Variants in TRPM2 observed in about 807,000 individuals in gnomAD.
The protein encoded by TRPM2 is transient receptor potential cation channel subfamily M member 2.
TRPM2 carries 161 observed loss-of-function variants against 174.0 expected under a neutral mutation model. That is an observed-to-expected ratio of 0.93 (90% CI 0.81 to 1.05). The LOEUF is 1.05. Among genes scored for constraint, TRPM2 ranks in the 50% least tolerant of loss-of-function variants. The pLI is 0.00. For synonymous variants in TRPM2, 954 were observed against 861.3 expected, an observed-to-expected ratio of 1.11 and a Z score of -1.88; for missense variants, 2,057 against 2,038.0, an observed-to-expected ratio of 1.01 and a Z score of -0.18.
At chr21:44,406,480 GC>G in intron 18 of TRPM2, 113 bp from the exon 19 acceptor site, 1 of 1,301,236 alleles carries the variant, frequency 7.7e-7, no homozygotes, top group Non-Finnish European at 1.0e-6. Context: ...CCTCCTGCAT[GC>G]CGTGTCTGTG....
intron 16 of TRPM2, among the ~76,000 whole-genome samples, chr21:44,404,369 G>A (rs2049783106): frequency 9.2e-6 from 1 of 108,266 alleles, no homozygotes; most frequent in South Asian, 2.9e-4. Flanking sequence ...CATACAGAAT[G>A]CACACATACA....
intron 27 of TRPM2, among the ~76,000 whole-genome samples, chr21:44,433,474 G>A (rs1167313090): frequency 6.6e-6 from 1 of 152,252 alleles, no homozygotes; most frequent in Non-Finnish European, 1.5e-5. Context: ...TCTGGGTTCT[G>A]CCCGCTCAGT....
At chr21:44,387,108 C>T (rs1213812517) in intron 9 of TRPM2, among the ~76,000 whole-genome samples, 1 of 152,054 alleles carries the variant, frequency 6.6e-6, no homozygotes, top group Non-Finnish European at 1.5e-5. Context: ...ATCACTTGAG[C>T]CCAGAAGGTT....
intron 5 of TRPM2, among the ~76,000 whole-genome samples, chr21:44,372,279 A>T (rs1332868586): frequency 6.6e-6 from 1 of 152,186 alleles, no homozygotes; most frequent in African/African-American, 2.4e-5. Flanking sequence ...CAAGGCAGGC[A>T]TATCACCTGA....
chr21:44,361,077 T>C (rs955063137), intron 2 of TRPM2, among the ~76,000 whole-genome samples: 1 of 152,234 alleles, frequency 6.6e-6, no homozygotes, highest in Non-Finnish European at 1.5e-5. Flanking sequence ...ATACGCTACA[T>C]GACCCGTGTC....
In TRPM2 at chr21:44,406,727, A is replaced by G. The variant is rs758208887; in HGVS notation, c.2924A>G (p.Tyr975Cys). Reference protein sequence around the residue: ...WLFRGAVYHSYLTIFGQIPGY... With the variant: ...WLFRGAVYHSCLTIFGQIPGY... The stretch of plus-strand genomic sequence containing the variant: ...TTCCGAGGGGCCGTCTACCACTCCT[A>G]CCTCACCATCTTCGGGCAGATCCCG... The change falls in exon 19 of 32, where the codon TAC becomes TGC. Residue 975 changes from tyrosine to cysteine, a missense_variant. Transcript: ENST00000397928. The G allele has an allele frequency of 2.5e-6, 4 of 1,607,502 alleles. No individual in the cohort carries two copies. Among genetic ancestry groups the G allele is most frequent in the Non-Finnish European group, 3.4e-6 (4 of 1,178,650 alleles).
intron 5 of TRPM2, among the ~76,000 whole-genome samples, chr21:44,370,838 C>T (rs377292101): frequency 6.6e-6 from 1 of 152,212 alleles, no homozygotes; most frequent in Non-Finnish European, 1.5e-5. Context: ...CAGGTCACTC[C>T]TTACTTTCCT....
In TRPM2 at chr21:44,439,121, C is replaced by T. The variant is rs1261104245; in HGVS notation, c.4222C>T (p.Gln1408Ter). The T allele has an allele frequency of 6.2e-7, 1 of 1,613,806 alleles. No individual in the cohort carries two copies. Among genetic ancestry groups the T allele is most frequent in the Non-Finnish European group, 8.5e-7 (1 of 1,179,898 alleles). ...LPRKLKRILRQEHWPSFENLL... is the reference protein window; with the variant it reads ...LPRKLKRILR ...TCGGAAGCTGAAGCGGATCCTCCGG[C>T]AGGAGCACTGGCCGTCTTTTGAAAA... Residue 1408 changes from glutamine (Q) to a stop codon, truncating the protein, a stop_gained, in exon 30 of 32, where the codon CAG (glutamine) becomes TAG (stop). Coordinates refer to ENST00000397928, the MANE Select transcript of TRPM2 (RefSeq NM_003307.4). LOFTEE classifies it high-confidence loss of function. This position sits in a 1 kb window ranked among gnomAD's most constrained non-coding sequence, Gnocchi z 5.1.
intron 19 of TRPM2, among the ~76,000 whole-genome samples, chr21:44,410,101 G>A (rs966760003): frequency 1.8e-4 from 27 of 147,194 alleles, no homozygotes; most frequent in Admixed American, 9.5e-4. Flanking sequence ...TGACCACACT[G>A]TCTTGGTGAG....
chr21:44,426,789 C>A (rs1258611606), intron 26 of TRPM2, 53 bp downstream of exon 26: 1 of 1,596,618 alleles, frequency 6.3e-7, no homozygotes, highest in East Asian at 2.2e-5. Context: ...CCAGGGCCTC[C>A]TAGGGGCTCC....
At position 44,369,157 on chromosome 21, in the gene TRPM2, C is replaced by T. The variant is rs1416419720; in HGVS notation, c.605-20C>T. On this transcript the variant is annotated intron_variant, in intron 4 of 31. Transcript: ENST00000397928. The stretch of plus-strand genomic sequence containing the variant: ...GCCCCTCAGTGCTGTGGGGCCTGCC[C>T]ACCCGTGCTCCTTCCCCAGGGGCCT... 6.3e-7 allele frequency: 1 copy of T among 1,581,856 alleles called. No homozygotes were observed. The highest frequency in any genetic ancestry group is 8.6e-7 in the Non-Finnish European group (1 of 1,163,080).
intron 19 of TRPM2, among the ~76,000 whole-genome samples, chr21:44,410,307 G>GGTTT (rs1490444496): frequency 1.4e-5 from 1 of 70,596 alleles, no homozygotes; most frequent in Non-Finnish European, 3.4e-5. Context: ...GCACTGTCTT[G>GGTTT]GCGTAGCCTT....
chr21:44,418,608 C>T, intron 22 of TRPM2, 53 bp downstream of exon 22: 10 of 1,600,852 alleles, frequency 6.2e-6, no homozygotes, highest in Non-Finnish European at 8.5e-6. Flanking sequence ...GGACCTCCTG[C>T]AGGTCCACAG....
intron 9 of TRPM2, among the ~76,000 whole-genome samples, chr21:44,389,925 T>C (rs1602194731): frequency 1.3e-5 from 2 of 148,850 alleles, no homozygotes; most frequent in African/African-American, 5.0e-5. Context: ...CAGGCTGGAG[T>C]GCAGTGGCGC....
intron 8 of TRPM2, among the ~76,000 whole-genome samples, chr21:44,379,767 G>T (rs1170727909): frequency 2.6e-5 from 4 of 152,212 alleles, no homozygotes; most frequent in East Asian, 1.9e-4. Context: ...TGACCAGGGG[G>T]GTGGGCTCCA....
intron 16 of TRPM2, among the ~76,000 whole-genome samples, chr21:44,404,131 A>G (rs2049759628): frequency 6.6e-6 from 1 of 151,084 alleles, no homozygotes; most frequent in Non-Finnish European, 1.5e-5. Context: ...ATGAACATAC[A>G]CATATGAACA....
Position 44,423,746 on chromosome 21 carries a change from CG to C in TRPM2, c.3549+18del. On this transcript the variant is annotated intron_variant, in intron 23 of 31. Coordinates refer to ENST00000397928, the MANE Select transcript of TRPM2 (RefSeq NM_003307.4). Reference sequence around the variant, plus strand: ...CTGGAGGAGCAGGTGGGTCCGAGGTCGGGGCCTCCGTCAGGAGGTGCCACTG... The same window carrying C: ...CTGGAGGAGCAGGTGGGTCCGAGGTCGGGCCTCCGTCAGGAGGTGCCACTG... The C allele has an allele frequency of 1.3e-6, 2 of 1,591,372 alleles. No individual in the cohort carries two copies. The highest frequency in any genetic ancestry group is 8.5e-7 in the Non-Finnish European group (1 of 1,171,602).
chr21:44,420,670 G>T (rs1392666566), intron 22 of TRPM2, among the ~76,000 whole-genome samples: 1 of 152,224 alleles, frequency 6.6e-6, no homozygotes, highest in African/African-American at 2.4e-5. Context: ...GCCATGCCCA[G>T]GGCCCAGATG....
intron 9 of TRPM2, 115 bp from the exon 10 acceptor site, chr21:44,390,789 T>C (rs2049148742): frequency 6.3e-6 from 9 of 1,428,776 alleles, no homozygotes; most frequent in South Asian, 6.3e-5. Context: ...CCTGTCACTT[T>C]GAATTGTTGA....
Sources: allele counts gnomAD v4.1 joint callset (sites outside exome capture counted in the v4.1 genomes callset), GRCh38; gene constraint gnomAD v4.1.1; non-coding constraint Gnocchi (gnomAD v3.1); transcripts MANE v1.5; gene names NCBI Gene and HGNC (gene_info 2026-07-23, HGNC 2026-07-21).